COQ8A: variants seen among roughly 807,000 people sequenced by gnomAD.
COQ8A encodes coenzyme Q8A.
COQ8A carries 51 observed loss-of-function variants against 65.0 expected under a neutral mutation model. The ratio of observed to expected loss-of-function variants is 0.78; its 90% CI spans 0.63 to 0.99. The LOEUF is 0.99. Ranked by LOEUF, COQ8A falls within the 50% of genes least tolerant of loss-of-function variation. The probability of loss-of-function intolerance (pLI) is 0.00; values close to 1 mark genes in which losing one functional copy is unlikely to be tolerated. For synonymous variants in COQ8A, 371 were observed against 353.2 expected, an observed-to-expected ratio of 1.05 and a Z score of -0.57; for missense variants, 940 against 875.0, an observed-to-expected ratio of 1.07 and a Z score of -0.94.
chr1:226,968,924 G>T (rs185916213), intron 4 of COQ8A, among the ~76,000 whole-genome samples: 2 of 152,242 alleles, frequency 1.3e-5, no homozygotes, highest in African/African-American at 4.8e-5. Flanking sequence ...TTGGATATGG[G>T]GTCAGAACTG....
rs989882099 is a variant in COQ8A at position 226,972,704 on chromosome 1, T to C, written c.656-4745T>C. ...ATTGTGCCCCATCCCCCCAAACTTT[T>C]GTGTCCCTCATCTCAGTGGTAAAAT... is the stretch of plus-strand genomic sequence containing the variant. On this transcript the variant is annotated intron_variant, in intron 4 of 14. Transcript: ENST00000366777. The surrounding 1 kb of genome is among the most constrained non-coding windows in gnomAD (Gnocchi z 4.3). Among the ~76,000 whole-genome samples, 6 of 152,202 alleles carry C rather than the reference T, an allele frequency of 3.9e-5. No individual in the cohort carries two copies. The highest frequency in any genetic ancestry group is 7.3e-5 in the Non-Finnish European group (5 of 68,028).
At position 226,984,156 on chromosome 1, in the gene COQ8A, C is replaced by T. The variant is rs370069520; in HGVS notation, c.1319C>T (p.Pro440Leu). 21 of 1,613,772 alleles carry T rather than the reference C, an allele frequency of 1.3e-5. No homozygotes were observed. Among genetic ancestry groups the T allele is most frequent in the Non-Finnish European group, 1.7e-5 (20 of 1,180,010 alleles). Residue 440 changes from proline to leucine, a missense_variant, in exon 11 of 15, where the codon CCA becomes CTA. By Grantham distance (98) the Pro-to-Leu change is moderately conservative. Coordinates refer to ENST00000366777, the MANE Select transcript of COQ8A (RefSeq NM_020247.5). The stretch of plus-strand genomic sequence containing the variant: ...GAGATTGTGGATGAGCTCTGCAGCC[C>T]ACATGTGCTGACCACAGAGCTGGTG... Reference protein sequence around the residue: ...VPEIVDELCSPHVLTTELVSG... With the variant: ...VPEIVDELCSLHVLTTELVSG...
chr1:226,968,697 G>A (rs1031017095), intron 4 of COQ8A, among the ~76,000 whole-genome samples: 2 of 152,132 alleles, frequency 1.3e-5, no homozygotes, highest in African/African-American at 2.4e-5. Flanking sequence ...GGACCCAGAC[G>A]GGTTTTCAGC....
At position 226,986,752 on chromosome 1, in the gene COQ8A, C is replaced by T; in HGVS notation, c.*15C>T. 1 of 1,610,246 alleles carries T rather than the reference C, an allele frequency of 6.2e-7. No individual in the cohort carries two copies. Among genetic ancestry groups the T allele is most frequent in the South Asian group, 1.1e-5 (1 of 90,910 alleles). On this transcript the variant is annotated 3_prime_UTR_variant, in exon 15 of 15. Coordinates refer to ENST00000366777, the MANE Select transcript of COQ8A (RefSeq NM_020247.5). ...CCCAGCAGTAGGGCTGCGGGCCACG[C>T]CCAGGCCGGCTCCGCGGGAACTCTC...
chr1:226,984,369 G>A (rs1315409290), intron 11 of COQ8A, 134 bp downstream of exon 11: 2 of 1,415,536 alleles, frequency 1.4e-6, no homozygotes, highest in Non-Finnish European at 1.9e-6. Context: ...AGTAGCACCA[G>A]TGGGACTTAG....
At chr1:226,963,340 G>C (rs1658368046) in intron 2 of COQ8A, among the ~76,000 whole-genome samples, 1 of 152,236 alleles carries the variant, frequency 6.6e-6, no homozygotes, top group Admixed American at 6.5e-5. Flanking sequence ...GAAGGTCACG[G>C]ACTCCAGGAT....
At chr1:226,985,647 A>G (rs1002409054) in intron 14 of COQ8A, among the ~76,000 whole-genome samples, 24 of 152,180 alleles carry the variant, frequency 1.6e-4, no homozygotes, top group African/African-American at 5.5e-4. Context: ...TGGGAAGGGA[A>G]GCCCCAGCCC....
At chr1:226,977,645 C>A in intron 5 of COQ8A, 122 bp downstream of exon 5, 1 of 1,104,954 alleles carries the variant, frequency 9.1e-7, no homozygotes, top group Non-Finnish European at 1.3e-6. Flanking sequence ...CATGGGGTTC[C>A]ACGTAAGTGG....
chr1:226,963,246 C>T (rs953065422), intron 2 of COQ8A, among the ~76,000 whole-genome samples: 4 of 152,202 alleles, frequency 2.6e-5, no homozygotes, highest in Non-Finnish European at 4.4e-5. Context: ...GGGTAGGCAC[C>T]GGAGCAGGGT....
rs966666092 is a variant in COQ8A, at chr1:226,946,953, T to C, written c.-10+6554T>C. On this transcript the variant is annotated intron_variant, in intron 1 of 14. Coordinates refer to ENST00000366777, the MANE Select transcript of COQ8A (RefSeq NM_020247.5). The surrounding 1 kb of genome is among the most constrained non-coding windows in gnomAD (Gnocchi z 5.3). ...TATTTATGTTTAAGATCAAACTGGC[T>C]CTGGAACCAAGCTTTGCCTCTAGTG... is the stretch of plus-strand genomic sequence containing the variant. Among the ~76,000 whole-genome samples, 2 of 152,340 alleles carry C rather than the reference T, an allele frequency of 1.3e-5. No homozygotes were observed. Among genetic ancestry groups the C allele is most frequent in the Non-Finnish European group, 2.9e-5 (2 of 68,032 alleles).
In COQ8A at chr1:226,977,491, C is replaced by T; in HGVS notation, c.698C>T (p.Ala233Val). Residue 233 changes from alanine to valine, a missense_variant, in exon 5 of 15, where the codon GCC becomes GTC. Transcript: ENST00000366777. ...GLGFGALAEV[A>V]KKSLRSEDPS... Reference sequence around the variant, plus strand: ...GGCTTCGGGGCACTGGCAGAGGTCGCCAAGAAGAGCCTGCGCTCCGAGGAC... The same window carrying T: ...GGCTTCGGGGCACTGGCAGAGGTCGTCAAGAAGAGCCTGCGCTCCGAGGAC... The T allele has an allele frequency of 6.4e-7, 1 of 1,567,510 alleles. No individual in the cohort carries two copies. Among genetic ancestry groups the T allele is most frequent in the East Asian group, 2.3e-5 (1 of 43,136 alleles).
In COQ8A at chr1:226,982,156, G is replaced by T. The variant is rs1316934190; in HGVS notation, c.853+7G>T. 6.4e-7 allele frequency: 1 copy of T among 1,573,332 alleles called. No homozygotes were observed. On this transcript the variant is annotated splice_region_variant and intron_variant, in intron 6 of 14. Transcript: ENST00000366777. ...CAGATGCTGAGCATCCAGGGTGAGT[G>T]GGCGCGGGGGCTGCTGCCCCGGGAC...
chr1:226,985,488 A>AC, intron 14 of COQ8A, 148 bp downstream of exon 14: 1 of 851,866 alleles, frequency 1.2e-6, no homozygotes, highest in Non-Finnish European at 1.9e-6. Flanking sequence ...GCTGGGGCCC[A>AC]CCCCGGCCCA....
intron 1 of COQ8A, among the ~76,000 whole-genome samples, chr1:226,958,818 C>G (rs192968282): frequency 1.6e-3 from 237 of 152,280 alleles, no homozygotes; most frequent in Admixed American, 4.6e-3. Flanking sequence ...CCAAACACTT[C>G]ATTTCAGTTA....
chr1:226,944,750 TGAGAGAGA>T (rs1395125342), intron 1 of COQ8A, among the ~76,000 whole-genome samples: 8 of 24,666 alleles, frequency 3.2e-4, no homozygotes, highest in Admixed American at 2.2e-3. Flanking sequence ...AGAGAGAGAG[TGAGAGAGA>T]GAGAGTGAGA....
chr1:226,950,153 C>T (rs891903801), intron 1 of COQ8A, among the ~76,000 whole-genome samples: 1 of 152,186 alleles, frequency 6.6e-6, no homozygotes, highest in Non-Finnish European at 1.5e-5. Flanking sequence ...GCTTGGGACC[C>T]TCTGTTGCCT....
chr1:226,963,059 G>A (rs1558189449), intron 2 of COQ8A, among the ~76,000 whole-genome samples: 1 of 152,232 alleles, frequency 6.6e-6, no homozygotes. Flanking sequence ...ACTTGGGCCT[G>A]CCCAGGAGTG....
At position 226,940,332 on chromosome 1, in the gene COQ8A, G is replaced by C. The variant is rs913780452; in HGVS notation, c.-77G>C. ...GCGCGTGGCGGGCGTCAGCGCGGTG[G>C]CCAGCGCGCAGAGGCGGGCGCGGAG... On this transcript the variant is annotated 5_prime_UTR_variant, in exon 1 of 15. Coordinates refer to ENST00000366777, the MANE Select transcript of COQ8A (RefSeq NM_020247.5). 1 of 152,326 alleles carries C rather than the reference G, an allele frequency of 6.6e-6. No homozygotes were observed. Among genetic ancestry groups the C allele is most frequent in the African/African-American group, 2.4e-5 (1 of 41,414 alleles). The allele number at this position is 152,326 out of a possible 1,614,324, so 9.4% of individuals were successfully genotyped here.
At chr1:226,983,144 C>A in intron 8 of COQ8A, 110 bp downstream of exon 8, 2 of 1,435,424 alleles carry the variant, frequency 1.4e-6, no homozygotes, top group Non-Finnish European at 1.9e-6. Flanking sequence ...CACCCTCTCT[C>A]CTGGCAGGGC....
Sources: gnomAD v4.1 joint callset for allele counts (sites outside exome capture counted in the v4.1 genomes callset) on GRCh38, gnomAD v4.1.1 for gene constraint, Gnocchi (gnomAD v3.1) non-coding constraint, MANE v1.5 for transcripts, NCBI Gene and HGNC (gene_info 2026-07-23, HGNC 2026-07-21) for gene names.